Variants in JARID2 observed in about 807,000 individuals in gnomAD.
The protein encoded by JARID2 is protein Jumonji.
In JARID2, 21 loss-of-function variants were observed where a neutral mutation model predicts 125.6. The ratio of observed to expected loss-of-function variants is 0.17; its 90% CI spans 0.12 to 0.24. The LOEUF is 0.24. Ranked by LOEUF, JARID2 falls within the 10% of genes least tolerant of loss-of-function variation. The pLI is 1.00. For synonymous variants in JARID2, 736 were observed against 661.6 expected, an observed-to-expected ratio of 1.11 and a Z score of -1.73; for missense variants, 1,303 against 1,639.6, an observed-to-expected ratio of 0.79 and a Z score of 3.55.
intron 1 of JARID2, among the ~76,000 whole-genome samples, chr6:15,261,590 G>T (rs975471216): frequency 5.9e-5 from 9 of 152,250 alleles, no homozygotes; most frequent in African/African-American, 1.7e-4. Context: ...AAAGTGCTGG[G>T]ATTACAGGCG....
intron 1 of JARID2, among the ~76,000 whole-genome samples, chr6:15,342,660 G>T (rs1353889111): frequency 6.6e-6 from 1 of 152,084 alleles, no homozygotes; most frequent in Non-Finnish European, 1.5e-5. Flanking sequence ...ATTCTATTAA[G>T]TTCTATTAAC....
chr6:15,335,549 G>A (rs1232326999), intron 1 of JARID2, among the ~76,000 whole-genome samples: 1 of 152,170 alleles, frequency 6.6e-6, no homozygotes, highest in African/African-American at 2.4e-5. Flanking sequence ...CATCTGGGAT[G>A]CCATCATTCA....
chr6:15,431,356 G>C (rs1419342704), intron 3 of JARID2, among the ~76,000 whole-genome samples: 3 of 152,138 alleles, frequency 2.0e-5, no homozygotes, highest in Non-Finnish European at 4.4e-5. Flanking sequence ...CATCAGCTGC[G>C]ATCCGTATGT....
At chr6:15,321,005 C>A (rs745635760) in intron 1 of JARID2, among the ~76,000 whole-genome samples, 1 of 151,550 alleles carries the variant, frequency 6.6e-6, no homozygotes, top group Non-Finnish European at 1.5e-5. Flanking sequence ...GGATGGGAGG[C>A]GGTGTATCAT....
At chr6:15,255,168 T>G (rs1163410222) in intron 1 of JARID2, among the ~76,000 whole-genome samples, 3 of 135,076 alleles carry the variant, frequency 2.2e-5, no homozygotes, top group Non-Finnish European at 4.6e-5. Context: ...TTGAGACGAG[T>G]CTCACTTTGT....
intron 1 of JARID2, among the ~76,000 whole-genome samples, chr6:15,278,456 C>T (rs1231845153): frequency 6.6e-6 from 1 of 151,890 alleles, no homozygotes; most frequent in African/African-American, 2.4e-5. Flanking sequence ...CGTGATGGCT[C>T]ATGCCTGTAA....
At chr6:15,502,307 G>A (rs1005987807) in intron 8 of JARID2, among the ~76,000 whole-genome samples, 1 of 152,236 alleles carries the variant, frequency 6.6e-6, no homozygotes, top group Non-Finnish European at 1.5e-5. Flanking sequence ...GTGGGTAGCG[G>A]GGCACCCGGG....
chr6:15,272,514 A>G (rs954220050), intron 1 of JARID2, among the ~76,000 whole-genome samples: 4 of 152,238 alleles, frequency 2.6e-5, no homozygotes, highest in African/African-American at 9.6e-5. Flanking sequence ...TGCTTTACAC[A>G]GACAGCATTT....
Position 15,503,667 on chromosome 6 carries a change from C to G in JARID2, c.2449-833C>G, listed in dbSNP as rs550191677. On this transcript the variant is annotated intron_variant, in intron 8 of 17. Coordinates refer to ENST00000341776, the MANE Select transcript of JARID2 (RefSeq NM_004973.4). ...TCATGCACTGCTCTGTCTCCAGCCC[C>G]TAGGATTTGACCTAGTACACCATAG... is the stretch of plus-strand genomic sequence containing the variant. Among the ~76,000 whole-genome samples the G allele has an allele frequency of 2.0e-5, 3 of 152,306 alleles. No individual in the cohort carries two copies. In the South Asian group the frequency reaches 6.2e-4, roughly 32 times the overall value.
At position 15,386,602 on chromosome 6, in the gene JARID2, G is replaced by A. The variant is rs1037059697; in HGVS notation, c.181+12350G>A. 5.9e-5 allele frequency among the ~76,000 whole-genome samples: 9 copies of A among 152,308 alleles called. No individual in the cohort carries two copies. The East Asian group carries it at 1.7e-3, about 29-fold the overall frequency. On this transcript the variant is annotated intron_variant, in intron 2 of 17. Coordinates refer to ENST00000341776, the MANE Select transcript of JARID2 (RefSeq NM_004973.4). ...CCCCCCTCCTACTGGCATTACAGGC[G>A]TGAGCCACTTCGCCTGGCCGGTTGA...
chr6:15,437,735 C>A (rs767717970), intron 3 of JARID2, among the ~76,000 whole-genome samples: 1 of 151,578 alleles, frequency 6.6e-6, no homozygotes, highest in Non-Finnish European at 1.5e-5. Flanking sequence ...ACCCGGGAGG[C>A]GGAGGTTGCA....
intron 1 of JARID2, among the ~76,000 whole-genome samples, chr6:15,264,612 A>AGTGTGTGTGT (rs148424538): frequency 0.071 from 10,332 of 145,834 alleles, 397 homozygotes; most frequent in South Asian, 0.13. Flanking sequence ...GGTAGGTGTG[A>AGTGTGTGTGT]GTGTGTGTGT....
intron 1 of JARID2, among the ~76,000 whole-genome samples, chr6:15,311,217 C>T (rs1331090506): frequency 2.0e-5 from 3 of 152,190 alleles, no homozygotes; most frequent in Non-Finnish European, 4.4e-5. Context: ...TGCCCATCAC[C>T]AGCCTCACAC....
chr6:15,372,991 G>C (rs1289372215), intron 1 of JARID2, among the ~76,000 whole-genome samples: 2 of 152,174 alleles, frequency 1.3e-5, no homozygotes, highest in African/African-American at 4.8e-5. Flanking sequence ...ACAGGCGTGA[G>C]GCACCATGCC....
rs760017930 is a variant in JARID2, at chr6:15,496,782, C to T, written c.1557C>T (p.Ser519=). 18 of 1,611,810 alleles carry T rather than the reference C, an allele frequency of 1.1e-5. No homozygotes were observed. The highest frequency in any genetic ancestry group is 7.7e-5 in the South Asian group (7 of 90,842). Residue 519 remains serine (S), a synonymous_variant, in exon 7 of 18, where the codon AGC becomes AGT. Transcript: ENST00000341776. ...PGRQAHGKAD[S]ASCENRSTSQ... ...GACAAGCACATGGCAAGGCGGACAG[C>T]GCCTCCTGTGAAAATCGTTCTACCT...
At chr6:15,448,070 G>A (rs986409885) in intron 3 of JARID2, among the ~76,000 whole-genome samples, 1 of 152,182 alleles carries the variant, frequency 6.6e-6, no homozygotes, top group African/African-American at 2.4e-5. Flanking sequence ...CCACACTGCA[G>A]ACCTACCCTT....
rs55811028 is a variant in JARID2 at position 15,392,039 on chromosome 6, GGTGTGTGTGTGT to G, written c.181+17815_181+17826del. 7.5e-3 allele frequency among the ~76,000 whole-genome samples: 916 copies of G among 122,810 alleles called. 16 individuals carry two copies. The highest frequency in any genetic ancestry group is 3.7e-3 in the Non-Finnish European group (217 of 58,330). The allele number at this position is 122,810 out of a possible 152,430, so 80.6% of individuals were successfully genotyped here. On this transcript the variant is annotated intron_variant, in intron 2 of 17. Coordinates refer to ENST00000341776, the MANE Select transcript of JARID2 (RefSeq NM_004973.4). Reference sequence around the variant, plus strand: ...GGCACCAGTGCAGTGATCCCAGAGTGGTGTGTGTGTGTGTGTGTGTGTGTGTGTGTGTGTGTG... The same window carrying G: ...GGCACCAGTGCAGTGATCCCAGAGTGGTGTGTGTGTGTGTGTGTGTGTGTG...
At chr6:15,475,053 G>A (rs1394315614) in intron 5 of JARID2, among the ~76,000 whole-genome samples, 2 of 152,174 alleles carry the variant, frequency 1.3e-5, no homozygotes, top group Non-Finnish European at 2.9e-5. Flanking sequence ...AATAAATACA[G>A]ATCAAATGTT....
chr6:15,262,855 G>A (rs1045397482), intron 1 of JARID2, among the ~76,000 whole-genome samples: 20 of 152,084 alleles, frequency 1.3e-4, no homozygotes, highest in African/African-American at 4.3e-4. Context: ...ACAATGCTGC[G>A]GTGAACGTTT....
Sources: gnomAD v4.1 joint callset for allele counts (sites outside exome capture counted in the v4.1 genomes callset) on GRCh38, gnomAD v4.1.1 for gene constraint, MANE v1.5 for transcripts, NCBI Gene and HGNC (gene_info 2026-07-23, HGNC 2026-07-21) for gene names.